SEC23IP: variants seen among roughly 807,000 people sequenced by gnomAD.
SEC23IP encodes the protein SEC23 interacting protein, also known as SEC23-interacting protein.
SEC23IP carries 70 observed loss-of-function variants against 113.4 expected under a neutral mutation model. The observed-to-expected ratio is 0.62, with a 90% confidence interval of 0.51 to 0.75. SEC23IP has a LOEUF of 0.75. Ranked by LOEUF, SEC23IP falls within the 30% of genes least tolerant of loss-of-function variation. The pLI, the probability that SEC23IP is intolerant of heterozygous loss-of-function variation, is 0.00. For missense variants in SEC23IP, 1,160 were observed against 1,204.9 expected (o/e 0.96, Z 0.55); for synonymous variants, 398 against 421.0 (o/e 0.95, Z 0.67).
At chr10:119,906,118 A>T (rs1854654416) in intron 4 of SEC23IP, among the ~76,000 whole-genome samples, 1 of 151,850 alleles carries the variant, frequency 6.6e-6, no homozygotes, top group African/African-American at 2.4e-5. Context: ...TCTACAAAAA[A>T]TACACACAAA....
intron 16 of SEC23IP, among the ~76,000 whole-genome samples, 179 bp downstream of exon 16, chr10:119,932,497 A>G (rs1265948708): frequency 2.6e-5 from 4 of 152,208 alleles, no homozygotes; most frequent in Non-Finnish European, 2.9e-5. Flanking sequence ...AATCCATGCC[A>G]TCTTTTTTTA....
intron 17 of SEC23IP, 105 bp downstream of exon 17, chr10:119,933,272 A>C (rs1455571756): frequency 1.1e-6 from 1 of 921,564 alleles, no homozygotes; most frequent in Admixed American, 2.2e-5. Context: ...TGTACTATGA[A>C]TATTCATTTG....
chr10:119,934,905 G>A (rs1564926905), intron 18 of SEC23IP, among the ~76,000 whole-genome samples: 1 of 152,216 alleles, frequency 6.6e-6, no homozygotes, highest in Non-Finnish European at 1.5e-5. Flanking sequence ...GGGAGGCCAA[G>A]GCGGGCAGAT....
intron 6 of SEC23IP, chr10:119,914,417 C>T: frequency 8.9e-6 from 3 of 337,170 alleles, no homozygotes; most frequent in Non-Finnish European, 1.1e-5. Context: ...GGCTTAGTGT[C>T]CTGGGGAGTT....
At chr10:119,894,523 A>C (rs1002964763) in intron 1 of SEC23IP, among the ~76,000 whole-genome samples, 1 of 152,218 alleles carries the variant, frequency 6.6e-6, no homozygotes, top group Admixed American at 6.5e-5. Flanking sequence ...TTATATTCCC[A>C]CTGCCTAGAA....
intron 1 of SEC23IP, 177 bp from the exon 2 acceptor site, chr10:119,898,250 A>G: frequency 8.5e-7 from 1 of 1,173,962 alleles, no homozygotes; most frequent in Middle Eastern, 3.1e-4. Flanking sequence ...CTAGTTTTTC[A>G]TTTCTAAGAA....
intron 18 of SEC23IP, among the ~76,000 whole-genome samples, chr10:119,938,107 A>G (rs1855854629): frequency 6.6e-6 from 1 of 151,326 alleles, no homozygotes. Flanking sequence ...CCTGGGCAAC[A>G]TAGTGAAACC....
At position 119,904,190 on chromosome 10, in the gene SEC23IP, C is replaced by T. The variant is rs777557183; in HGVS notation, c.1014C>T (p.Ala338=). ...RKAAYWEEEP[A]EVRRCTWFYK... is the part of the protein sequence containing the mutation. ...CTGCCTACTGGGAAGAGGAGCCAGC[C>T]GAAGTGAGACGCTGTACTTGGTTTT... The change falls in exon 4 of 19, where the codon GCC becomes GCT. Residue 338 remains alanine (A), a synonymous_variant. Coordinates refer to ENST00000369075, the MANE Select transcript of SEC23IP (RefSeq NM_007190.4). The T allele has an allele frequency of 1.4e-5, 22 of 1,614,040 alleles. No individual in the cohort carries two copies. The highest frequency in any genetic ancestry group is 1.6e-4 in the Middle Eastern group (1 of 6,084).
chr10:119,894,003 C>T (rs149007941), intron 1 of SEC23IP, among the ~76,000 whole-genome samples: 1 of 152,332 alleles, frequency 6.6e-6, no homozygotes, highest in East Asian at 1.9e-4. Context: ...GTCTGTATTC[C>T]AGTCCTTGCC....
chr10:119,917,830 A>G lies in SEC23IP; in HGVS notation c.1545-6A>G. The stretch of plus-strand genomic sequence containing the variant: ...CTGAATGTGCTGTATTTTTCTTTTT[A>G]AACAGGAATATTAAGAAAATCACTT... On this transcript the variant is annotated splice_region_variant and splice_polypyrimidine_tract_variant and intron_variant, in intron 8 of 18. Coordinates refer to ENST00000369075, the MANE Select transcript of SEC23IP (RefSeq NM_007190.4). 1 of 1,608,936 alleles carries G rather than the reference A, an allele frequency of 6.2e-7. No individual in the cohort carries two copies. Among genetic ancestry groups the G allele is most frequent in the Non-Finnish European group, 8.5e-7 (1 of 1,176,292 alleles).
chr10:119,941,913 A>G lies in SEC23IP; in HGVS notation c.*1348A>G, dbSNP rs1855977910. The G allele has an allele frequency of 6.6e-6, 1 of 152,388 alleles. No individual in the cohort carries two copies. Among genetic ancestry groups the G allele is most frequent in the African/African-American group, 2.4e-5 (1 of 41,446 alleles). The allele number at this position is 152,388 out of a possible 1,614,324, so 9.4% of individuals were successfully genotyped here. On this transcript the variant is annotated 3_prime_UTR_variant, in exon 19 of 19. Transcript: ENST00000369075. Reference sequence around the variant, plus strand: ...ATTGACTCCAGACAACATAGATTTCAGCCACCTCATTCTACAGCTGAGGCC... The same window carrying G: ...ATTGACTCCAGACAACATAGATTTCGGCCACCTCATTCTACAGCTGAGGCC...
intron 13 of SEC23IP, among the ~76,000 whole-genome samples, chr10:119,927,579 G>A (rs1855463499): frequency 6.6e-6 from 1 of 152,160 alleles, no homozygotes; most frequent in South Asian, 2.1e-4. Flanking sequence ...GTGTCTGTCA[G>A]TGTGTCCAAA....
intron 1 of SEC23IP, among the ~76,000 whole-genome samples, chr10:119,898,022 A>T (rs1229974339): frequency 2.0e-5 from 3 of 151,560 alleles, no homozygotes; most frequent in East Asian, 1.9e-4. Flanking sequence ...AATAAAAAAA[A>T]AAAAATAAAT....
intron 4 of SEC23IP, among the ~76,000 whole-genome samples, chr10:119,904,843 T>C (rs1854611446): frequency 6.6e-6 from 1 of 152,154 alleles, no homozygotes; most frequent in South Asian, 2.1e-4. Flanking sequence ...ACATTTTAGT[T>C]AACTTCTGGC....
chr10:119,899,104 G>A, intron 2 of SEC23IP, 145 bp downstream of exon 2: 3 of 732,656 alleles, frequency 4.1e-6, no homozygotes, highest in Non-Finnish European at 6.5e-6. Context: ...GCTACATGAA[G>A]TAAACATTGT....
chr10:119,915,850 G>A lies in SEC23IP; in HGVS notation c.1505G>A (p.Trp502Ter). 1 of 1,590,752 alleles carries A rather than the reference G, an allele frequency of 6.3e-7. No homozygotes were observed. The highest frequency in any genetic ancestry group is 8.6e-7 in the Non-Finnish European group (1 of 1,167,592). Residue 502 changes from tryptophan to a stop codon, truncating the protein, a stop_gained, in exon 8 of 19, where the codon TGG becomes TAG. Coordinates refer to ENST00000369075, the MANE Select transcript of SEC23IP (RefSeq NM_007190.4). LOFTEE classifies it high-confidence loss of function. ...AGAGTGGAGTTCCTTCCAGTTCATT[G>A]GCATAGTTCTTTGGGTGGGGACGCC... ...VSRVEFLPVHWHSSLGGDATG... is the reference protein window; with the variant it reads ...VSRVEFLPVH
intron 13 of SEC23IP, among the ~76,000 whole-genome samples, chr10:119,929,319 C>T (rs1445856686): frequency 6.6e-6 from 1 of 152,080 alleles, no homozygotes; most frequent in Non-Finnish European, 1.5e-5. Flanking sequence ...CTGCAACCTC[C>T]ACCTCCCGGG....
intron 8 of SEC23IP, among the ~76,000 whole-genome samples, chr10:119,917,056 A>G (rs142542127): frequency 1.1e-4 from 17 of 152,056 alleles, no homozygotes; most frequent in Admixed American, 1.1e-3. Context: ...TTCTGTAGAG[A>G]TGGGGTCTCA....
At chr10:119,917,551 G>A (rs958600264) in intron 8 of SEC23IP, among the ~76,000 whole-genome samples, 2 of 152,002 alleles carry the variant, frequency 1.3e-5, no homozygotes, top group African/African-American at 4.8e-5. Context: ...GCTAATTTGT[G>A]TATTTTTAGT....
Sources: allele counts gnomAD v4.1 joint callset (sites outside exome capture counted in the v4.1 genomes callset), GRCh38; gene constraint gnomAD v4.1.1; transcripts MANE v1.5; gene names NCBI Gene and HGNC (gene_info 2026-07-23, HGNC 2026-07-21).